The following PCGF3 variants were observed in gnomAD, a reference collection of about 807,000 sequenced individuals.
PCGF3 encodes the protein polycomb group ring finger 3.
In PCGF3, 7 loss-of-function variants were observed where a neutral mutation model predicts 33.1. The ratio of observed to expected loss-of-function variants is 0.21; its 90% CI spans 0.12 to 0.40. The LOEUF is 0.40. Ranked by LOEUF, PCGF3 falls within the 10% of genes least tolerant of loss-of-function variation. The probability of loss-of-function intolerance (pLI) is 1.00; values close to 1 mark genes in which losing one functional copy is unlikely to be tolerated. For missense variants in PCGF3, 211 were observed against 313.3 expected (o/e 0.67, Z 2.46); for synonymous variants, 153 against 121.3 (o/e 1.26, Z -1.72).
exon 11 of PCGF3, chr4:769,536 G>A (rs1191298807): frequency 1.3e-5 from 2 of 152,688 alleles, no homozygotes; most frequent in African/African-American, 4.8e-5. Context: ...CATAAATTGA[G>A]ATAAGTAGAT....
exon 11 of PCGF3, chr4:769,362 C>G (rs958697567): frequency 2.3e-4 from 35 of 152,718 alleles, no homozygotes; most frequent in African/African-American, 8.0e-4. Flanking sequence ...CCACGTTGTA[C>G]GTGAATGTTT....
At chr4:717,286 A>G (rs1742896680) in intron 1 of PCGF3, among the ~76,000 whole-genome samples, 1 of 140,194 alleles carries the variant, frequency 7.1e-6, no homozygotes, top group East Asian at 2.2e-4. Flanking sequence ...GGGACCCTGT[A>G]GACACTGAAT....
chr4:716,553 C>A (rs1349140357), intron 1 of PCGF3, among the ~76,000 whole-genome samples: 3 of 68,190 alleles, frequency 4.4e-5, no homozygotes, highest in Admixed American at 1.8e-4. Context: ...GTGGACACTG[C>A]GAGTGTGAGA....
At chr4:710,518 C>G (rs1742518392) in intron 1 of PCGF3, among the ~76,000 whole-genome samples, 1 of 152,218 alleles carries the variant, frequency 6.6e-6, no homozygotes, top group Non-Finnish European at 1.5e-5. Context: ...CCTGGCACCT[C>G]TCAGGGCACT....
chr4:737,526 G>T lies in PCGF3; in HGVS notation c.262+5G>T. On this transcript the variant is annotated splice_donor_5th_base_variant and intron_variant, in intron 6 of 10. Coordinates refer to ENST00000362003, the Ensembl canonical transcript of PCGF3. ...TGGTACCAGGCCTCCAAGAAGGTGAGTGTCTGACTGTCTTGCTGATCCCTG... is the reference window on the plus strand; with the variant it reads ...TGGTACCAGGCCTCCAAGAAGGTGATTGTCTGACTGTCTTGCTGATCCCTG... The T allele has an allele frequency of 6.3e-7, 1 of 1,584,144 alleles. No individual in the cohort carries two copies. The highest frequency in any genetic ancestry group is 1.7e-4 in the Middle Eastern group (1 of 6,016).
chr4:733,475 G>A (rs1258724906), intron 3 of PCGF3, among the ~76,000 whole-genome samples, 197 bp from the exon 4 acceptor site: 3 of 152,186 alleles, frequency 2.0e-5, no homozygotes, highest in Middle Eastern at 6.3e-3. Context: ...AGGTGGGCTT[G>A]TCCCAGTGCA....
At chr4:750,135 T>C (rs1744448697) in intron 8 of PCGF3, among the ~76,000 whole-genome samples, 1 of 152,256 alleles carries the variant, frequency 6.6e-6, no homozygotes, top group African/African-American at 2.4e-5. Flanking sequence ...CGGCTGTGTT[T>C]CCTGTGTGCT....
At chr4:741,241 A>G (rs192659459) in intron 6 of PCGF3, among the ~76,000 whole-genome samples, 37 of 152,330 alleles carry the variant, frequency 2.4e-4, no homozygotes, top group Admixed American at 1.9e-3. Flanking sequence ...ATGTCTCATC[A>G]CAGCAGAATT....
At position 720,412 on chromosome 4, in the gene PCGF3, CT is replaced by C. The variant is rs1210205611; in HGVS notation, c.-189-10217del. On this transcript the variant is annotated intron_variant, in intron 1 of 10. Transcript: ENST00000362003. The surrounding 1 kb of genome is among the most constrained non-coding windows in gnomAD (Gnocchi z 5.6). ...AGGGAGAGCAGCAGAGTGGTTTCAGCTCCGGGAGGTGGGGCTGCCCGTCCAG... is the reference window on the plus strand; with the variant it reads ...AGGGAGAGCAGCAGAGTGGTTTCAGCCCGGGAGGTGGGGCTGCCCGTCCAG... Among the ~76,000 whole-genome samples, 1 of 152,170 alleles carries C rather than the reference CT, an allele frequency of 6.6e-6. No individual in the cohort carries two copies. Among genetic ancestry groups the C allele is most frequent in the Non-Finnish European group, 1.5e-5 (1 of 68,022 alleles).
chr4:726,429 C>T (rs918699222), intron 1 of PCGF3, among the ~76,000 whole-genome samples: 4 of 152,216 alleles, frequency 2.6e-5, no homozygotes, highest in East Asian at 1.9e-4. Context: ...AGCCGGGCCA[C>T]GATGGCCAGG....
chr4:734,185 T>G (rs1177968551), intron 4 of PCGF3: 4 of 1,541,626 alleles, frequency 2.6e-6, no homozygotes, highest in Admixed American at 3.9e-5. Flanking sequence ...ACCTGATGAG[T>G]CTGTGCTTTG....
Position 766,311 on chromosome 4 carries a change from C to T in PCGF3, c.*232C>T, listed in dbSNP as rs1303474162. 5 of 474,504 alleles carry T rather than the reference C, an allele frequency of 1.1e-5. No homozygotes were observed. In the East Asian group the frequency reaches 1.9e-4, roughly 18 times the overall value. The allele number at this position is 474,504 out of a possible 1,614,324, so 29.4% of individuals were successfully genotyped here. ...AGAGCCGATCGTCCTCTCCCCCGCC[C>T]CACCCCGTGCTTCAGCCTTGCAGGG... On this transcript the variant is annotated 3_prime_UTR_variant, in exon 11 of 11. Transcript: ENST00000362003.
At chr4:724,408 C>T (rs959231844) in intron 1 of PCGF3, among the ~76,000 whole-genome samples, 7 of 152,234 alleles carry the variant, frequency 4.6e-5, no homozygotes, top group African/African-American at 1.7e-4. Flanking sequence ...TGGTGGACAG[C>T]GGTGCTGTGG....
chr4:707,625 G>T (rs1276150555), intron 1 of PCGF3, among the ~76,000 whole-genome samples: 2 of 118,638 alleles, frequency 1.7e-5, no homozygotes, highest in African/African-American at 5.9e-5. Context: ...TTTCCCCTGG[G>T]GGTCGGGACC....
At chr4:710,734 A>T (rs572560041) in intron 1 of PCGF3, among the ~76,000 whole-genome samples, 45 of 152,356 alleles carry the variant, frequency 3.0e-4, no homozygotes, top group Admixed American at 2.6e-3. Flanking sequence ...TACCAGTAGC[A>T]AGCCAAAAGA....
chr4:734,766 G>C, intron 4 of PCGF3, 165 bp from the exon 5 acceptor site: 1 of 1,404,382 alleles, frequency 7.1e-7, no homozygotes, highest in Non-Finnish European at 9.3e-7. Flanking sequence ...CCTGAGACCA[G>C]AACGGCAAGA....
intron 5 of PCGF3, 110 bp from the exon 6 acceptor site, chr4:737,356 A>C: frequency 1.3e-6 from 1 of 743,034 alleles, no homozygotes; most frequent in Non-Finnish European, 2.3e-6. Flanking sequence ...TAAAATTCCA[A>C]CAAAGCTCCA....
chr4:753,077 C>G (rs556689626), intron 8 of PCGF3, among the ~76,000 whole-genome samples: 1 of 152,376 alleles, frequency 6.6e-6, no homozygotes, highest in East Asian at 1.9e-4. Flanking sequence ...GTGCTGATGG[C>G]TCACACACCT....
intron 9 of PCGF3, 103 bp from the exon 10 acceptor site, chr4:764,881 C>T: frequency 1.3e-6 from 1 of 743,152 alleles, no homozygotes; most frequent in South Asian, 1.6e-5. Context: ...CACGTTCTTG[C>T]ATGATTGGGG....
Sources: gnomAD v4.1 joint callset for allele counts (sites outside exome capture counted in the v4.1 genomes callset) on GRCh38, gnomAD v4.1.1 for gene constraint, Gnocchi (gnomAD v3.1) non-coding constraint, MANE v1.5 for transcripts, NCBI Gene and HGNC (gene_info 2026-07-23, HGNC 2026-07-21) for gene names.